Variants in AHCYL2 observed in about 807,000 individuals in gnomAD.
AHCYL2 encodes adenosylhomocysteinase like 2, also known as S-adenosylhomocysteine hydrolase-like protein 2.
A neutral mutation model predicts 81.4 loss-of-function variants in AHCYL2; 28 were observed. The observed-to-expected ratio is 0.34, with a 90% CI of 0.25 to 0.47. The LOEUF is 0.47. Ranked by LOEUF, AHCYL2 falls within the 20% of genes least tolerant of loss-of-function variation. The probability of loss-of-function intolerance (pLI) is 1.00; values close to 1 mark genes in which losing one functional copy is unlikely to be tolerated. For synonymous variants in AHCYL2, 272 were observed against 290.2 expected (o/e 0.94, Z 0.64); for missense variants, 551 against 785.1 (o/e 0.70, Z 3.56).
chr7:129,324,019 C>T (rs34698607), intron 1 of AHCYL2, among the ~76,000 whole-genome samples: 3,740 of 151,482 alleles, frequency 0.025, 77 homozygotes, highest in Admixed American at 0.058. Flanking sequence ...TACAGGCACC[C>T]GCCATTGTGC....
chr7:129,372,578 T>G (rs1375696007), intron 1 of AHCYL2, among the ~76,000 whole-genome samples: 5 of 152,044 alleles, frequency 3.3e-5, no homozygotes, highest in Non-Finnish European at 5.9e-5. Flanking sequence ...GAGGCCAAGG[T>G]GGATGGATCA....
chr7:129,301,437 A>C (rs1416106371), intron 1 of AHCYL2, among the ~76,000 whole-genome samples: 2 of 152,038 alleles, frequency 1.3e-5, no homozygotes. Context: ...ATCTTTGCCC[A>C]CTCCAATGTC....
Position 129,225,102 on chromosome 7 carries a change from C to T in AHCYL2, c.26C>T (p.Ala9Val). The change falls in exon 1 of 17, where the codon GCG (alanine) becomes GTG (valine). Residue 9 changes from alanine (A) to valine (V), a missense_variant. This residue lies in a region of AHCYL2 where 235 missense variants were observed against 242.1 expected (regional missense o/e 0.97). Transcript: ENST00000325006. The part of the protein sequence containing the change: MSVQVVSA[A>V]AAAKVPEVEL... Reference sequence around the variant, plus strand: ...ATGTCGGTGCAGGTTGTGTCAGCCGCGGCTGCCGCCAAGGTGCCTGAGGTG... The same window carrying T: ...ATGTCGGTGCAGGTTGTGTCAGCCGTGGCTGCCGCCAAGGTGCCTGAGGTG... 1 of 1,597,560 alleles carries T rather than the reference C, an allele frequency of 6.3e-7. No homozygotes were observed. Among genetic ancestry groups the T allele is most frequent in the Non-Finnish European group, 8.5e-7 (1 of 1,173,442 alleles).
In AHCYL2 at chr7:129,368,243, T is replaced by TTGC; in HGVS notation, c.364-11394_364-11392dup. 2.9e-6 allele frequency: 4 copies of TTGC among 1,377,478 alleles called. No individual in the cohort carries two copies. Among genetic ancestry groups the TTGC allele is most frequent in the Non-Finnish European group, 3.8e-6 (4 of 1,065,464 alleles). The allele number at this position is 1,377,478 out of a possible 1,614,324, so 85.3% of individuals were successfully genotyped here. On this transcript the variant is annotated intron_variant, in intron 1 of 16. Coordinates refer to ENST00000325006, the MANE Select transcript of AHCYL2 (RefSeq NM_015328.4). This position sits in a 1 kb window ranked among gnomAD's most constrained non-coding sequence, Gnocchi z 4.4. The stretch of plus-strand genomic sequence containing the variant: ...AAGCACAGTGCCTGGGTGCAGCACT[T>TTGC]TGCATCAGCTCTGATTTTGAAATCA...
intron 1 of AHCYL2, among the ~76,000 whole-genome samples, chr7:129,270,689 G>A (rs1193926967): frequency 1.3e-5 from 2 of 152,120 alleles, no homozygotes; most frequent in African/African-American, 2.4e-5. Flanking sequence ...CAACCACATG[G>A]GAATAAGAGA....
intron 1 of AHCYL2, among the ~76,000 whole-genome samples, chr7:129,240,860 T>C (rs1477558533): frequency 1.3e-5 from 2 of 152,122 alleles, no homozygotes; most frequent in African/African-American, 4.8e-5. Flanking sequence ...GGGAAGATTA[T>C]GTATTAGATA....
intron 1 of AHCYL2, among the ~76,000 whole-genome samples, chr7:129,329,938 A>G (rs1344595467): frequency 1.3e-5 from 2 of 152,230 alleles, no homozygotes; most frequent in African/African-American, 4.8e-5. Context: ...GGATCAACAG[A>G]GTATAGGGTT....
chr7:129,416,823 A>G (rs1017305932), intron 12 of AHCYL2, among the ~76,000 whole-genome samples: 3 of 151,712 alleles, frequency 2.0e-5, no homozygotes, highest in Admixed American at 6.6e-5. Context: ...AAGAAAAAGA[A>G]TATGATGTTT....
At chr7:129,405,512 G>GAA in intron 8 of AHCYL2, 1 of 338,976 alleles carries the variant, frequency 3.0e-6, no homozygotes, top group Non-Finnish European at 5.2e-6. Flanking sequence ...CAAGAAAGGG[G>GAA]AAAAAAAAAG....
intron 6 of AHCYL2, among the ~76,000 whole-genome samples, chr7:129,401,545 C>G (rs1286309690): frequency 6.6e-6 from 1 of 152,168 alleles, no homozygotes; most frequent in Non-Finnish European, 1.5e-5. Flanking sequence ...TTTCTGAATT[C>G]TGTGATCCAG....
chr7:129,364,514 C>A (rs1220528793), intron 1 of AHCYL2, among the ~76,000 whole-genome samples: 1 of 152,218 alleles, frequency 6.6e-6, no homozygotes. Flanking sequence ...TGGTCTCGAT[C>A]TCCTGACTTC....
In AHCYL2 at chr7:129,249,575, G is replaced by A. The variant is rs1243723561; in HGVS notation, c.363+24136G>A. On this transcript the variant is annotated intron_variant, in intron 1 of 16. Transcript: ENST00000325006. ...CGAGTAGCTGGGACTACAGGCGCCC[G>A]CCACCGCGCCCGGCTAATTTTTTGT... Among the ~76,000 whole-genome samples, 4 of 151,782 alleles carry A rather than the reference G, an allele frequency of 2.6e-5. 1 individual carries two copies. Among genetic ancestry groups the A allele is most frequent in the South Asian group, 4.2e-4 (2 of 4,796 alleles).
At position 129,426,371 on chromosome 7, in the gene AHCYL2, C is replaced by G. The variant is rs890820307; in HGVS notation, c.1709-72C>G. 6.2e-7 allele frequency: 1 copy of G among 1,611,960 alleles called. No homozygotes were observed. On this transcript the variant is annotated intron_variant, in intron 15 of 16. Coordinates refer to ENST00000325006, the MANE Select transcript of AHCYL2 (RefSeq NM_015328.4). The surrounding 1 kb of genome is among the most constrained non-coding windows in gnomAD (Gnocchi z 4.3). ...AAGGTGTCTTTGAACTTTTTAAGGC[C>G]TAGCTTGGGGACAATAGCCATCAGA...
chr7:129,394,314 T>G (rs1471702032), intron 4 of AHCYL2, among the ~76,000 whole-genome samples: 1 of 151,724 alleles, frequency 6.6e-6, no homozygotes, highest in Non-Finnish European at 1.5e-5. Context: ...CTGGCTCAGT[T>G]CAGTAATTTT....
chr7:129,249,777 A>G (rs962780423), intron 1 of AHCYL2, among the ~76,000 whole-genome samples: 3 of 150,912 alleles, frequency 2.0e-5, no homozygotes, highest in Admixed American at 6.6e-5. Flanking sequence ...CCTCTATTCT[A>G]TTTTCTGTCT....
At chr7:129,290,779 A>T (rs1796820980) in intron 1 of AHCYL2, among the ~76,000 whole-genome samples, 1 of 151,506 alleles carries the variant, frequency 6.6e-6, no homozygotes, top group African/African-American at 2.4e-5. Context: ...AAAATACAAA[A>T]ATTAGCCGGG....
intron 1 of AHCYL2, among the ~76,000 whole-genome samples, chr7:129,250,017 G>T (rs1378983295): frequency 1.3e-5 from 2 of 152,124 alleles, no homozygotes; most frequent in Non-Finnish European, 2.9e-5. Context: ...CTGTTATTGG[G>T]GTACAAGGCT....
chr7:129,319,956 C>A (rs1048001201), intron 1 of AHCYL2, among the ~76,000 whole-genome samples: 1 of 151,734 alleles, frequency 6.6e-6, no homozygotes, highest in Non-Finnish European at 1.5e-5. Context: ...GGTCTTATGG[C>A]AGATTTATGT....
Position 129,368,686 on chromosome 7 carries a change from G to A in AHCYL2, c.364-10952G>A, listed in dbSNP as rs901079382. Reference sequence around the variant, plus strand: ...GTTGGAAAAACAGTTATTACTCTACGTTCTGATTAGTTCCTAGGTACTAGG... The same window carrying A: ...GTTGGAAAAACAGTTATTACTCTACATTCTGATTAGTTCCTAGGTACTAGG... On this transcript the variant is annotated intron_variant, in intron 1 of 16. Transcript: ENST00000325006. The surrounding 1 kb of genome is among the most constrained non-coding windows in gnomAD (Gnocchi z 4.4). The A allele has an allele frequency of 2.9e-6, 3 of 1,035,864 alleles. No individual in the cohort carries two copies. Among genetic ancestry groups the A allele is most frequent in the Non-Finnish European group, 4.4e-6 (3 of 687,956 alleles). The allele number at this position is 1,035,864 out of a possible 1,614,324, so 64.2% of individuals were successfully genotyped here.
Sources: allele counts gnomAD v4.1 joint callset (sites outside exome capture counted in the v4.1 genomes callset), GRCh38; gene constraint gnomAD v4.1.1; regional missense constraint gnomAD v4.1.1; non-coding constraint Gnocchi (gnomAD v3.1); transcripts MANE v1.5; gene names NCBI Gene and HGNC (gene_info 2026-07-23, HGNC 2026-07-21).